The following CCNK variants were observed in gnomAD, a reference collection of about 807,000 sequenced individuals.
CCNK encodes the protein cyclin-K.
A neutral mutation model predicts 65.0 loss-of-function variants in CCNK; 9 were observed. The observed-to-expected ratio is 0.14, with a 90% CI of 0.08 to 0.24. The LOEUF (loss-of-function observed/expected upper bound fraction) is 0.24, where lower values mean the gene tolerates loss of function less well. Among genes scored for constraint, CCNK ranks in the 10% least tolerant of loss-of-function variants. CCNK has a pLI of 1.00. For missense variants in CCNK, 474 were observed against 720.0 expected (o/e 0.66, Z 3.91); for synonymous variants, 279 against 270.8 (o/e 1.03, Z -0.30).
In CCNK at chr14:99,502,415, T is replaced by C. The variant is rs776475381; in HGVS notation, c.745+39T>C. ...TAAGCGTTCTCGTGAGGGTGTTCCA[T>C]GTTGAGATGATTCTTCCATGTGTAC... On this transcript the variant is annotated intron_variant, in intron 7 of 10. Transcript: ENST00000389879. 16 of 1,599,188 alleles carry C rather than the reference T, an allele frequency of 1.0e-5. No individual in the cohort carries two copies. The South Asian group carries it at 1.8e-4, about 18-fold the overall frequency.
intron 6 of CCNK, chr14:99,501,883 TAAGATTTCATTTGAAGAAA>T: frequency 4.2e-6 from 1 of 240,858 alleles, no homozygotes; most frequent in Non-Finnish European, 8.0e-6. Context: ...ACTTCCTCCA[TAAGATTTCATTTGAAGAAA>T]CAGTTGAGTG....
chr14:99,491,698 A>G (rs550519456), intron 1 of CCNK, among the ~76,000 whole-genome samples: 1 of 152,372 alleles, frequency 6.6e-6, no homozygotes, highest in South Asian at 2.1e-4. Flanking sequence ...AATGAGGCAG[A>G]TACACAGAAA....
At chr14:99,486,468 T>C (rs764487756) in intron 1 of CCNK, among the ~76,000 whole-genome samples, 11 of 152,232 alleles carry the variant, frequency 7.2e-5, no homozygotes, top group Non-Finnish European at 1.3e-4. Flanking sequence ...TTTATAGTTA[T>C]CACCTCTGTG....
rs1052057347 is a variant in CCNK at position 99,510,166 on chromosome 14, C to T, written c.1127C>T (p.Pro376Leu). Residue 376 changes from proline (P) to leucine (L), a missense_variant, in exon 11 of 11, where the codon CCT (proline) becomes CTT (leucine). Physicochemically the swap from Pro to Leu is moderately conservative, Grantham distance 98. Around this residue, in one of 6 missense-constraint regions of CCNK, gnomAD observed 229 missense variants for 275.5 expected, o/e 0.83. Coordinates refer to ENST00000389879, the MANE Select transcript of CCNK (RefSeq NM_001099402.2). ...PPAHPPPDRK[P>L]PLAAALGEAE... Reference sequence around the variant, plus strand: ...CGTCTCTCTCCTGCAGACCGGAAGCCTCCCCTCGCTGCTGCCTTAGGTGAG... The same window carrying T: ...CGTCTCTCTCCTGCAGACCGGAAGCTTCCCCTCGCTGCTGCCTTAGGTGAG... 12 of 1,596,946 alleles carry T rather than the reference C, an allele frequency of 7.5e-6. No homozygotes were observed. The highest frequency in any genetic ancestry group is 1.0e-5 in the Non-Finnish European group (12 of 1,175,204).
intron 6 of CCNK, chr14:99,501,648 CTG>C: frequency 1.9e-6 from 1 of 518,990 alleles, no homozygotes; most frequent in Non-Finnish European, 3.4e-6. Flanking sequence ...TATCACCAGT[CTG>C]AAACATAAGT....
chr14:99,500,842 T>C lies in CCNK; in HGVS notation c.488T>C (p.Phe163Ser). The C allele has an allele frequency of 6.4e-7, 1 of 1,557,664 alleles. No individual in the cohort carries two copies. The stretch of plus-strand genomic sequence containing the variant: ...TTACAGGTAGAACATCCATACCAGT[T>C]CCTACTAAAATATGCAAAGCAACTC... ...FDLQVEHPYQFLLKYAKQLKG... is the reference protein window; with the variant it reads ...FDLQVEHPYQSLLKYAKQLKG... The change falls in exon 5 of 11, where the codon TTC (phenylalanine) becomes TCC (serine). Residue 163 changes from phenylalanine (F) to serine (S), a missense_variant. By Grantham distance (155) the Phe-to-Ser change is radical (BLOSUM62 -2). Around this residue, in one of 6 missense-constraint regions of CCNK, gnomAD observed 67 missense variants for 150.2 expected, o/e 0.45. Coordinates refer to ENST00000389879, the MANE Select transcript of CCNK (RefSeq NM_001099402.2).
At chr14:99,484,050 T>G (rs554889835) in intron 1 of CCNK, among the ~76,000 whole-genome samples, 2 of 152,194 alleles carry the variant, frequency 1.3e-5, no homozygotes, top group Non-Finnish European at 2.9e-5. Flanking sequence ...AAATAAAAAA[T>G]AAATAAATTT....
At chr14:99,484,213 T>G (rs1360338764) in intron 1 of CCNK, among the ~76,000 whole-genome samples, 1 of 152,248 alleles carries the variant, frequency 6.6e-6, no homozygotes, top group Non-Finnish European at 1.5e-5. Context: ...GTGATGCTGC[T>G]TGCTAGCTGT....
At chr14:99,483,657 T>C (rs1163812430) in intron 1 of CCNK, among the ~76,000 whole-genome samples, 2 of 152,260 alleles carry the variant, frequency 1.3e-5, no homozygotes, top group African/African-American at 4.8e-5. Context: ...ATTTAGGACA[T>C]AGTCTTCCAA....
intron 4 of CCNK, among the ~76,000 whole-genome samples, chr14:99,496,250 C>G (rs543331331): frequency 3.9e-5 from 6 of 152,274 alleles, no homozygotes; most frequent in African/African-American, 1.4e-4. Flanking sequence ...ATCAAGTTCC[C>G]CTTGTTGCAA....
chr14:99,504,057 A>C (rs1425513443), intron 9 of CCNK: 1 of 384,330 alleles, frequency 2.6e-6, no homozygotes, highest in East Asian at 9.5e-5. Context: ...AGCCCGGCCC[A>C]GCCCAGCTGC....
At chr14:99,510,028 G>T in intron 10 of CCNK, 129 bp from the exon 11 acceptor site, 1 of 879,280 alleles carries the variant, frequency 1.1e-6, no homozygotes. Flanking sequence ...GGGCCCATGC[G>T]TTGGGCCACA....
At chr14:99,484,957 G>T (rs1896447820) in intron 1 of CCNK, among the ~76,000 whole-genome samples, 2 of 152,144 alleles carry the variant, frequency 1.3e-5, no homozygotes, top group African/African-American at 4.8e-5. Flanking sequence ...TTTTCATTTT[G>T]CAGAGTTCAT....
chr14:99,492,437 A>G, intron 1 of CCNK, 189 bp from the exon 2 acceptor site: 1 of 419,564 alleles, frequency 2.4e-6, no homozygotes, highest in Non-Finnish European at 4.2e-6. Flanking sequence ...AGATTTATTA[A>G]TATTAGTACT....
chr14:99,500,540 T>G (rs1246683589), intron 4 of CCNK: 1 of 463,610 alleles, frequency 2.2e-6, no homozygotes, highest in Non-Finnish European at 3.8e-6. Context: ...TTTTCAGTAT[T>G]TTTTTTTACA....
intron 2 of CCNK, chr14:99,493,212 G>A (rs1180590100): frequency 1.6e-5 from 7 of 427,128 alleles, no homozygotes; most frequent in Non-Finnish European, 2.5e-5. Flanking sequence ...AGACCAACCT[G>A]GGCTGCAGTG....
Position 99,510,313 on chromosome 14 carries a change from C to T in CCNK, c.1274C>T (p.Pro425Leu), listed in dbSNP as rs1897094265. ...CCACACCGGCCCCCGCCCCCACCCCCCTCCAGCTACATGACCGGGATGTCC... is the reference window on the plus strand; with the variant it reads ...CCACACCGGCCCCCGCCCCCACCCCTCTCCAGCTACATGACCGGGATGTCC... ...PLPHRPPPPP[P>L]SSYMTGMSTT... The change falls in exon 11 of 11, where the codon CCC becomes CTC. Residue 425 changes from proline to leucine, a missense_variant. Pro to Leu is a moderately conservative substitution (Grantham distance 98). Coordinates refer to ENST00000389879, the MANE Select transcript of CCNK (RefSeq NM_001099402.2). 1 of 1,567,650 alleles carries T rather than the reference C, an allele frequency of 6.4e-7. No individual in the cohort carries two copies. Among genetic ancestry groups the T allele is most frequent in the African/African-American group, 1.4e-5 (1 of 73,406 alleles).
In CCNK at chr14:99,483,226, C is replaced by G. The variant is rs1344476308; in HGVS notation, c.-53+1747C>G. Among the ~76,000 whole-genome samples, 3 of 152,008 alleles carry G rather than the reference C, an allele frequency of 2.0e-5. No homozygotes were observed. In the East Asian group the frequency reaches 5.8e-4, roughly 29 times the overall value. ...AGTACTTGGGAAAGGAGAGCTGATT[C>G]CCTGAAGCCAGCAGAGCTTCAGTGA... On this transcript the variant is annotated intron_variant, in intron 1 of 10. Coordinates refer to ENST00000389879, the MANE Select transcript of CCNK (RefSeq NM_001099402.2).
intron 4 of CCNK, among the ~76,000 whole-genome samples, chr14:99,499,183 G>A (rs931293947): frequency 3.9e-5 from 6 of 152,118 alleles, no homozygotes; most frequent in Admixed American, 2.6e-4. Context: ...GACTACAGGC[G>A]CCTGCCACCA....
Sources: allele counts gnomAD v4.1 joint callset (sites outside exome capture counted in the v4.1 genomes callset), GRCh38; gene constraint gnomAD v4.1.1; regional missense constraint gnomAD v4.1.1; transcripts MANE v1.5; gene names NCBI Gene and HGNC (gene_info 2026-07-23, HGNC 2026-07-21).